The following P2RX5 variants were observed in gnomAD, a reference collection of about 807,000 sequenced individuals.
The protein encoded by P2RX5 is purinergic receptor P2X 5, also known as P2X purinoceptor 5.
In P2RX5, 46 loss-of-function variants were observed where a neutral mutation model predicts 54.1. The ratio of observed to expected loss-of-function variants is 0.85; its 90% CI spans 0.67 to 1.09. The LOEUF is 1.09. Ranked by LOEUF, P2RX5 falls within the 50% of genes least tolerant of loss-of-function variation. The pLI is 0.00. For synonymous variants in P2RX5, 226 were observed against 226.4 expected, an observed-to-expected ratio of 1.00 and a Z score of 0.02; for missense variants, 566 against 549.8, an observed-to-expected ratio of 1.03 and a Z score of -0.29.
upstream of P2RX5, among the ~76,000 whole-genome samples, chr17:3,699,460 A>G (rs1169205385): frequency 6.6e-6 from 1 of 152,060 alleles, no homozygotes; most frequent in Non-Finnish European, 1.5e-5. Context: ...CTGAGGTAGG[A>G]GGATCTCTTG....
intron 11 of P2RX5, 123 bp from the exon 12 acceptor site, chr17:3,674,000 C>G: frequency 2.1e-6 from 2 of 941,666 alleles, no homozygotes; most frequent in East Asian, 2.6e-5. Flanking sequence ...TCATGCTTCA[C>G]TTCTCCCCAT....
At chr17:3,705,582 C>G in the P2RX5 span, among the ~76,000 whole-genome samples, 1 of 152,114 alleles carries the variant, frequency 6.6e-6, no homozygotes, top group Admixed American at 6.6e-5. Flanking sequence ...CTTTCTCCCT[C>G]GCTGTCACAG....
the P2RX5 span, among the ~76,000 whole-genome samples, chr17:3,711,400 T>G: frequency 8.2e-6 from 1 of 121,374 alleles, no homozygotes. Flanking sequence ...TTTTTTTTTT[T>G]GAGACGGAGT....
chr17:3,699,923 A>AAAGAAAGAAAGAAAGAAAG (rs1567744430), upstream of P2RX5, among the ~76,000 whole-genome samples: 5 of 69,114 alleles, frequency 7.2e-5, no homozygotes, highest in African/African-American at 2.2e-4. Flanking sequence ...GGAAGGAAAG[A>AAAGAAAGAAAGAAAGAAAG]AAGAAAGAAA....
chr17:3,694,745 C>T (rs914775643), intron 1 of P2RX5, among the ~76,000 whole-genome samples: 1 of 152,228 alleles, frequency 6.6e-6, no homozygotes, highest in Non-Finnish European at 1.5e-5. Context: ...CACATCTATT[C>T]CCTAAGCAGT....
chr17:3,714,786 A>G, the P2RX5 span: 1 of 908,738 alleles, frequency 1.1e-6, no homozygotes, highest in Non-Finnish European at 1.8e-6. Context: ...AGTAATGCAA[A>G]GGATGCTGGG....
chr17:3,685,439 A>G (rs2050415979), intron 9 of P2RX5: 1 of 154,090 alleles, frequency 6.5e-6, no homozygotes. Flanking sequence ...GTCCTCCTGA[A>G]CAGCAGCCTC....
chr17:3,714,757 A>T, the P2RX5 span: 1 of 731,636 alleles, frequency 1.4e-6, no homozygotes, highest in Non-Finnish European at 2.4e-6. Context: ...ATGCTGCTCT[A>T]GATCATCCTG....
At chr17:3,689,799 C>T (rs888504279) in intron 6 of P2RX5, among the ~76,000 whole-genome samples, 169 bp from the exon 7 acceptor site, 8 of 152,060 alleles carry the variant, frequency 5.3e-5, no homozygotes, top group African/African-American at 1.5e-4. Flanking sequence ...CGTTTATTCA[C>T]ATGCAGACAT....
chr17:3,692,221 G>C (rs911987014), intron 1 of P2RX5, among the ~76,000 whole-genome samples: 2 of 152,012 alleles, frequency 1.3e-5, no homozygotes, highest in African/African-American at 2.4e-5. Context: ...GGAGGCTGAG[G>C]CAGGAGAATG....
the P2RX5 span, chr17:3,716,714 T>G: frequency 6.2e-7 from 1 of 1,606,346 alleles, no homozygotes; most frequent in South Asian, 1.1e-5. Context: ...AGAATCACGA[T>G]CAACACCAGA....
intron 1 of P2RX5, among the ~76,000 whole-genome samples, chr17:3,695,182 G>A (rs1010533601): frequency 6.6e-5 from 10 of 152,184 alleles, no homozygotes; most frequent in Admixed American, 6.5e-4. Flanking sequence ...GACCCACCCC[G>A]GGGTCAGGGC....
the P2RX5 span, among the ~76,000 whole-genome samples, chr17:3,710,200 G>A: frequency 3.3e-5 from 5 of 152,046 alleles, no homozygotes; most frequent in Admixed American, 1.3e-4. Context: ...GCCGAGGTGA[G>A]CGGATCACTT....
At chr17:3,723,695 G>C in the P2RX5 span, 138 of 1,599,560 alleles carry the variant, frequency 8.6e-5, no homozygotes, top group African/African-American at 1.5e-3. Flanking sequence ...TACCTGAACC[G>C]AACTGTACGC....
the P2RX5 span, chr17:3,723,829 TGC>T: frequency 6.4e-7 from 1 of 1,552,140 alleles, no homozygotes. Flanking sequence ...CCTGGCGAGG[TGC>T]GCATGCGCAG....
upstream of P2RX5, among the ~76,000 whole-genome samples, chr17:3,696,884 C>T (rs1386196675): frequency 3.9e-5 from 6 of 152,162 alleles, no homozygotes; most frequent in East Asian, 1.2e-3. Context: ...CGCGCCAGGT[C>T]TCCTGCCAGG....
intron 1 of P2RX5, among the ~76,000 whole-genome samples, chr17:3,692,316 C>CA (rs1256577427): frequency 6.6e-6 from 1 of 151,666 alleles, no homozygotes; most frequent in Non-Finnish European, 1.5e-5. Flanking sequence ...GATTCTGTCT[C>CA]AAAAAATAAA....
the P2RX5 span, among the ~76,000 whole-genome samples, chr17:3,711,354 G>A: frequency 2.8e-5 from 4 of 143,014 alleles, no homozygotes; most frequent in Non-Finnish European, 6.1e-5. Context: ...CCACAGGGCT[G>A]AGCCCAGCAC....
chr17:3,711,769 A>G, the P2RX5 span, among the ~76,000 whole-genome samples: 1 of 151,982 alleles, frequency 6.6e-6, no homozygotes, highest in Non-Finnish European at 1.5e-5. Context: ...ATCTCGTCTC[A>G]CTGCAAACTC....
Sources: allele counts gnomAD v4.1 joint callset (sites outside exome capture counted in the v4.1 genomes callset), GRCh38; gene constraint gnomAD v4.1.1; transcripts MANE v1.5; gene names NCBI Gene and HGNC (gene_info 2026-07-23, HGNC 2026-07-21).